DPP10: variants seen among roughly 807,000 people sequenced by gnomAD.
The protein encoded by DPP10 is dipeptidyl peptidase like 10.
In DPP10, 33 loss-of-function variants were observed where a neutral mutation model predicts 120.9. The observed-to-expected ratio is 0.27, with a 90% CI of 0.21 to 0.37. The LOEUF is 0.37. DPP10 is among the 10% of genes least tolerant of loss of function. The probability of loss-of-function intolerance (pLI) is 1.00; values close to 1 mark genes in which losing one functional copy is unlikely to be tolerated. For synonymous variants in DPP10, 337 were observed against 326.1 expected (o/e 1.03, Z -0.36); for missense variants, 816 against 942.8 (o/e 0.87, Z 1.76).
intron 1 of DPP10, among the ~76,000 whole-genome samples, chr2:115,076,357 G>T (rs1389906037): frequency 2.2e-5 from 3 of 135,700 alleles, no homozygotes; most frequent in Non-Finnish European, 1.6e-5. Flanking sequence ...ATACAATTAG[G>T]AATTCAGTGC....
intron 1 of DPP10, among the ~76,000 whole-genome samples, chr2:115,182,845 C>T (rs2054167225): frequency 6.6e-6 from 1 of 152,274 alleles, no homozygotes; most frequent in South Asian, 2.1e-4. Context: ...AATATGACTT[C>T]ATCCCTTTTT....
intron 1 of DPP10, among the ~76,000 whole-genome samples, chr2:114,468,118 C>T (rs1325781851): frequency 6.6e-6 from 1 of 151,984 alleles, no homozygotes; most frequent in African/African-American, 2.4e-5. Context: ...TACACATATC[C>T]CTCTGATCAT....
intron 1 of DPP10, among the ~76,000 whole-genome samples, chr2:114,514,217 T>C (rs1376592130): frequency 1.3e-5 from 2 of 152,132 alleles, no homozygotes; most frequent in Non-Finnish European, 2.9e-5. Flanking sequence ...ACATATTGAG[T>C]GATGAACCTG....
chr2:114,728,415 T>C (rs188745819), intron 1 of DPP10, among the ~76,000 whole-genome samples: 2 of 152,294 alleles, frequency 1.3e-5, no homozygotes, highest in African/African-American at 4.8e-5. Flanking sequence ...AAACTGACAT[T>C]ATTCTGAGCC....
At chr2:115,593,726 C>A (rs1250696443) in intron 5 of DPP10, among the ~76,000 whole-genome samples, 2 of 152,110 alleles carry the variant, frequency 1.3e-5, no homozygotes, top group African/African-American at 2.4e-5. Context: ...CATAATTTTT[C>A]TCTCTCTATT....
chr2:114,932,753 A>G (rs1213906715), intron 1 of DPP10, among the ~76,000 whole-genome samples: 2 of 152,230 alleles, frequency 1.3e-5, no homozygotes, highest in Non-Finnish European at 2.9e-5. Context: ...ATTTAGATGT[A>G]TACATTTATA....
chr2:114,890,184 A>G (rs1320907317), intron 1 of DPP10, among the ~76,000 whole-genome samples: 1 of 152,200 alleles, frequency 6.6e-6, no homozygotes, highest in Non-Finnish European at 1.5e-5. Context: ...AAAATAAGTG[A>G]TCTCAGGTTG....
chr2:115,376,676 T>C (rs902163974), intron 3 of DPP10, among the ~76,000 whole-genome samples: 1 of 150,288 alleles, frequency 6.7e-6, no homozygotes, highest in African/African-American at 2.4e-5. Context: ...GCATTAGGTA[T>C]ATCTCCCAAT....
intron 1 of DPP10, among the ~76,000 whole-genome samples, chr2:115,152,700 A>C (rs1384673184): frequency 1.3e-5 from 2 of 152,102 alleles, no homozygotes; most frequent in African/African-American, 4.8e-5. Context: ...GTTTATCCTC[A>C]GTATGGGGTC....
rs772803338 is a variant in DPP10, at chr2:114,608,704, CA to C, written c.60+165877del. On this transcript the variant is annotated intron_variant, in intron 1 of 25. Transcript: ENST00000410059. ...TATACACCATGGACTGCTACACAGC[CA>C]AAAAAAAAAACAGTGAAATCATGTC... Among the ~76,000 whole-genome samples, 94 of 136,900 alleles carry C rather than the reference CA, an allele frequency of 6.9e-4. 1 individual carries two copies. The East Asian group carries it at 8.0e-3, about 12-fold the overall frequency. 89.8% of individuals were successfully genotyped at this position (136,900 alleles called of 152,430 possible).
At chr2:115,197,523 G>A (rs1331394947) in intron 1 of DPP10, among the ~76,000 whole-genome samples, 1 of 152,100 alleles carries the variant, frequency 6.6e-6, no homozygotes, top group Non-Finnish European at 1.5e-5. Context: ...AATCAAAAAA[G>A]CCAATTAACT....
intron 3 of DPP10, among the ~76,000 whole-genome samples, chr2:115,386,596 G>A (rs895227747): frequency 2.6e-5 from 4 of 152,158 alleles, no homozygotes; most frequent in African/African-American, 9.7e-5. Flanking sequence ...AGTTTCTTTT[G>A]TTGATTCCTC....
intron 1 of DPP10, among the ~76,000 whole-genome samples, chr2:115,106,593 T>C (rs1435558276): frequency 6.6e-6 from 1 of 152,020 alleles, no homozygotes; most frequent in Non-Finnish European, 1.5e-5. Context: ...CCCGAGTAGC[T>C]GGGACTACAG....
chr2:115,756,419 A>T (rs903765896), intron 11 of DPP10, among the ~76,000 whole-genome samples: 1 of 152,168 alleles, frequency 6.6e-6, no homozygotes, highest in Non-Finnish European at 1.5e-5. Flanking sequence ...CATTTTTTAC[A>T]TGTATCAAAA....
intron 1 of DPP10, among the ~76,000 whole-genome samples, chr2:115,084,340 C>A (rs1053717175): frequency 2.6e-5 from 4 of 152,192 alleles, no homozygotes; most frequent in African/African-American, 9.7e-5. Context: ...GTGGGCTCAA[C>A]ATTATCTGAA....
At chr2:115,304,101 G>A (rs1005407590) in intron 1 of DPP10, among the ~76,000 whole-genome samples, 16 of 151,742 alleles carry the variant, frequency 1.1e-4, no homozygotes, top group African/African-American at 3.4e-4. Context: ...ATTACTTACC[G>A]TTGAAAATAT....
intron 1 of DPP10, among the ~76,000 whole-genome samples, chr2:114,798,014 A>G (rs1315119673): frequency 6.6e-6 from 1 of 152,190 alleles, no homozygotes; most frequent in Non-Finnish European, 1.5e-5. Flanking sequence ...AGTCTCCCAT[A>G]ACCTATAATT....
At chr2:114,739,867 T>C (rs1677851148) in intron 1 of DPP10, among the ~76,000 whole-genome samples, 1 of 152,110 alleles carries the variant, frequency 6.6e-6, no homozygotes, top group Non-Finnish European at 1.5e-5. Context: ...TCTCAATACA[T>C]GTGTTTTCAG....
At chr2:115,750,481 C>T (rs1168421510) in intron 10 of DPP10, among the ~76,000 whole-genome samples, 1 of 152,164 alleles carries the variant, frequency 6.6e-6, no homozygotes, top group Non-Finnish European at 1.5e-5. Flanking sequence ...GGAGAGCTTT[C>T]ATTCTTCAGA....
Sources: gnomAD v4.1 joint callset for allele counts (sites outside exome capture counted in the v4.1 genomes callset) on GRCh38, gnomAD v4.1.1 for gene constraint, MANE v1.5 for transcripts, NCBI Gene and HGNC (gene_info 2026-07-23, HGNC 2026-07-21) for gene names.